Variants in RBKS observed in about 807,000 individuals in gnomAD.
RBKS encodes the protein ribokinase.
A neutral mutation model predicts 33.9 loss-of-function variants in RBKS; 33 were observed. The observed-to-expected ratio is 0.97, with a 90% CI of 0.74 to 1.30. The LOEUF is 1.30. Ranked by LOEUF, RBKS falls within the 50% of genes most tolerant of loss-of-function variation. The probability of loss-of-function intolerance (pLI) is 0.00; values close to 1 mark genes in which losing one functional copy is unlikely to be tolerated. For synonymous variants in RBKS, 125 were observed against 143.0 expected (o/e 0.87, Z 0.90); for missense variants, 361 against 392.6 (o/e 0.92, Z 0.68).
intron 7 of RBKS, among the ~76,000 whole-genome samples, chr2:27,786,432 TA>T (rs1157510163): frequency 6.6e-6 from 1 of 152,238 alleles, no homozygotes; most frequent in Non-Finnish European, 1.5e-5. Flanking sequence ...CAGGTCTACC[TA>T]ACCCTCTGTT....
At chr2:27,801,705 T>C (rs1422879506) in intron 7 of RBKS, among the ~76,000 whole-genome samples, 2 of 152,042 alleles carry the variant, frequency 1.3e-5, no homozygotes, top group Non-Finnish European at 2.9e-5. Context: ...TTTGCAGGTG[T>C]ACAAGCATGG....
chr2:27,791,523 T>A (rs1005761088), intron 7 of RBKS, among the ~76,000 whole-genome samples: 1 of 152,002 alleles, frequency 6.6e-6, no homozygotes, highest in South Asian at 2.1e-4. Context: ...TCAGACTAAA[T>A]TGTACCCCTG....
chr2:27,806,311 T>C (rs1230004443), intron 7 of RBKS, among the ~76,000 whole-genome samples: 1 of 152,220 alleles, frequency 6.6e-6, no homozygotes, highest in East Asian at 1.9e-4. Context: ...CATAAGGCCA[T>C]TATATAGACA....
At position 27,784,725 on chromosome 2, in the gene RBKS, A is replaced by T. The variant is rs189280731; in HGVS notation, c.796-2937T>A. On this transcript the variant is annotated intron_variant, in intron 7 of 7. Transcript: ENST00000302188. The stretch of plus-strand genomic sequence containing the variant: ...TCCCCTTGTTTACACAGACAAAGCC[A>T]TCAATATTAAACTTGCCAAGGGGTG... Among the ~76,000 whole-genome samples the T allele has an allele frequency of 2.6e-5, 4 of 152,310 alleles. No homozygotes were observed. The East Asian group carries it at 7.7e-4, about 29-fold the overall frequency.
At chr2:27,805,213 C>G (rs1677874162) in intron 7 of RBKS, among the ~76,000 whole-genome samples, 1 of 152,160 alleles carries the variant, frequency 6.6e-6, no homozygotes, top group South Asian at 2.1e-4. Flanking sequence ...GAAAAATTCT[C>G]ATAATGTTTT....
chr2:27,841,732 A>G (rs1055841724), intron 5 of RBKS, among the ~76,000 whole-genome samples: 4 of 139,962 alleles, frequency 2.9e-5, no homozygotes, highest in African/African-American at 1.1e-4. Flanking sequence ...TTATATAAAC[A>G]CACACACACA....
intron 7 of RBKS, among the ~76,000 whole-genome samples, chr2:27,826,848 G>A (rs1216051602): frequency 6.6e-6 from 1 of 152,136 alleles, no homozygotes; most frequent in Non-Finnish European, 1.5e-5. Flanking sequence ...CCTCAGCACA[G>A]TACCTTACAT....
chr2:27,832,163 T>G (rs888826516), intron 6 of RBKS, among the ~76,000 whole-genome samples: 1 of 152,170 alleles, frequency 6.6e-6, no homozygotes, highest in Non-Finnish European at 1.5e-5. Context: ...TGACACAGGG[T>G]CTTCACTACA....
intron 1 of RBKS, among the ~76,000 whole-genome samples, chr2:27,880,392 T>C (rs1421585994): frequency 6.6e-6 from 1 of 152,134 alleles, no homozygotes; most frequent in African/African-American, 2.4e-5. Context: ...TCACCACTCC[T>C]ATTCAATATA....
chr2:27,864,816 T>C (rs1337943941), intron 1 of RBKS, among the ~76,000 whole-genome samples: 1 of 152,240 alleles, frequency 6.6e-6, no homozygotes, highest in African/African-American at 2.4e-5. Context: ...CACACACAGC[T>C]GCTGCTCCTT....
intron 7 of RBKS, among the ~76,000 whole-genome samples, chr2:27,787,880 A>G (rs1014650675): frequency 3.3e-5 from 5 of 151,862 alleles, no homozygotes; most frequent in Non-Finnish European, 5.9e-5. Flanking sequence ...GTATATATAT[A>G]TATAAAATAT....
At chr2:27,883,694 C>T (rs577175033) in intron 1 of RBKS, among the ~76,000 whole-genome samples, 3 of 152,040 alleles carry the variant, frequency 2.0e-5, no homozygotes, top group Non-Finnish European at 4.4e-5. Context: ...TGTAATAGTA[C>T]ACAGTAGGTG....
chr2:27,854,666 G>A (rs545889465), intron 2 of RBKS, among the ~76,000 whole-genome samples: 1 of 151,708 alleles, frequency 6.6e-6, no homozygotes, highest in African/African-American at 2.4e-5. Flanking sequence ...TGTAAATATA[G>A]TTGCTAACAG....
chr2:27,815,826 T>C (rs1244421008), intron 7 of RBKS, among the ~76,000 whole-genome samples: 1 of 152,248 alleles, frequency 6.6e-6, no homozygotes, highest in Non-Finnish European at 1.5e-5. Flanking sequence ...CTATTTCATG[T>C]CTAGGTCCAC....
chr2:27,783,249 A>T (rs1240561117), intron 7 of RBKS, among the ~76,000 whole-genome samples: 2 of 151,852 alleles, frequency 1.3e-5, no homozygotes, highest in Non-Finnish European at 2.9e-5. Flanking sequence ...TTGAGACCAG[A>T]CTGGGCAACA....
chr2:27,798,121 G>C (rs1677695545), intron 7 of RBKS, among the ~76,000 whole-genome samples: 1 of 152,076 alleles, frequency 6.6e-6, no homozygotes, highest in African/African-American at 2.4e-5. Context: ...ACAGCATTGG[G>C]ACAGAGAGAA....
chr2:27,822,556 A>C (rs566726146), intron 7 of RBKS, among the ~76,000 whole-genome samples: 4 of 152,336 alleles, frequency 2.6e-5, no homozygotes, highest in Admixed American at 1.3e-4. Context: ...CAGCCCCAGC[A>C]ATCACCTCAT....
intron 1 of RBKS, among the ~76,000 whole-genome samples, chr2:27,887,816 T>C (rs1022860636): frequency 1.3e-5 from 2 of 152,172 alleles, no homozygotes; most frequent in African/African-American, 4.8e-5. Context: ...TTGGATATTT[T>C]ATGAAGGAAA....
At chr2:27,792,244 G>A (rs551621100) in intron 7 of RBKS, among the ~76,000 whole-genome samples, 92 of 152,294 alleles carry the variant, frequency 6.0e-4, no homozygotes, top group African/African-American at 2.1e-3. Context: ...CTGGCAGCGT[G>A]GGCTTTGGAG....
Sources: gnomAD v4.1 joint callset for allele counts (sites outside exome capture counted in the v4.1 genomes callset) on GRCh38, gnomAD v4.1.1 for gene constraint, MANE v1.5 for transcripts, NCBI Gene and HGNC (gene_info 2026-07-23, HGNC 2026-07-21) for gene names.